ADGRB3: variants seen among roughly 807,000 people sequenced by gnomAD.
The protein encoded by ADGRB3 is brain-specific angiogenesis inhibitor 3.
Under a neutral mutation model 193.4 loss-of-function variants are expected in ADGRB3, and 37 were observed. The observed-to-expected ratio is 0.19, with a 90% confidence interval of 0.15 to 0.25. The LOEUF (loss-of-function observed/expected upper bound fraction) is 0.25. Ranked by LOEUF, ADGRB3 falls within the 10% of genes least tolerant of loss-of-function variation. The probability of loss-of-function intolerance (pLI) is 1.00; values close to 1 mark genes in which losing one functional copy is unlikely to be tolerated. For synonymous variants in ADGRB3, 690 were observed against 644.2 expected (o/e 1.07, Z -1.08); for missense variants, 1,637 against 1,852.9 (o/e 0.88, Z 2.14).
chr6:69,233,569 G>T (rs1432685869), intron 18 of ADGRB3, among the ~76,000 whole-genome samples, 153 bp downstream of exon 18: 2 of 152,184 alleles, frequency 1.3e-5, no homozygotes, highest in East Asian at 1.9e-4. Context: ...TAGCTTGGTG[G>T]AATGAATTCT....
chr6:69,066,031 G>A (rs1457548212), intron 16 of ADGRB3, among the ~76,000 whole-genome samples: 4 of 151,558 alleles, frequency 2.6e-5, no homozygotes, highest in Admixed American at 6.6e-5. Context: ...TAGGTTATAT[G>A]CAAATATATA....
intron 3 of ADGRB3, among the ~76,000 whole-genome samples, chr6:68,734,651 G>A (rs1010189209): frequency 4.6e-5 from 7 of 151,974 alleles, no homozygotes; most frequent in African/African-American, 7.2e-5. Flanking sequence ...ATGAGGAGAG[G>A]AGAATCTAAA....
chr6:69,266,833 A>G (rs1172574739), intron 20 of ADGRB3, among the ~76,000 whole-genome samples: 3 of 152,112 alleles, frequency 2.0e-5, no homozygotes, highest in Admixed American at 2.0e-4. Flanking sequence ...GTAAAGGAAG[A>G]CAAAGATTTT....
intron 3 of ADGRB3, among the ~76,000 whole-genome samples, chr6:68,809,623 A>G (rs1767472351): frequency 6.6e-6 from 1 of 152,220 alleles, no homozygotes; most frequent in African/African-American, 2.4e-5. Context: ...AAAACTTAGC[A>G]TAGGAAAAGC....
In ADGRB3 at chr6:68,750,503, A is replaced by C. The variant is rs1016216659; in HGVS notation, c.757+111071A>C. ...GCATGTTATCAAATGTAGTTCATCT[A>C]TATATTTGCACTGAAGCAAAATATT... On this transcript the variant is annotated intron_variant, in intron 3 of 31. Transcript: ENST00000370598. Among the ~76,000 whole-genome samples the C allele has an allele frequency of 4.6e-5, 7 of 152,364 alleles. No individual in the cohort carries two copies. The East Asian group carries it at 1.3e-3, about 29-fold the overall frequency.
intron 11 of ADGRB3, among the ~76,000 whole-genome samples, chr6:69,004,449 A>G (rs1411822967): frequency 6.6e-6 from 1 of 150,590 alleles, no homozygotes; most frequent in Non-Finnish European, 1.5e-5. Context: ...GTTCTAGGGT[A>G]CATGTGCACA....
At chr6:69,208,153 A>C (rs1016013501) in intron 17 of ADGRB3, among the ~76,000 whole-genome samples, 2 of 152,172 alleles carry the variant, frequency 1.3e-5, no homozygotes, top group Admixed American at 1.3e-4. Flanking sequence ...CACATTGTTC[A>C]TGGGCCCATT....
At chr6:69,301,427 A>T (rs1767946344) in intron 20 of ADGRB3, among the ~76,000 whole-genome samples, 1 of 151,862 alleles carries the variant, frequency 6.6e-6, no homozygotes, top group South Asian at 2.1e-4. Context: ...ACTAGTATCT[A>T]CTGAAAACAG....
intron 17 of ADGRB3, among the ~76,000 whole-genome samples, chr6:69,226,326 GA>G (rs1306596170): frequency 6.6e-6 from 1 of 152,140 alleles, no homozygotes; most frequent in African/African-American, 2.4e-5. Context: ...ATGAATGAAT[GA>G]TGTAGGAAAC....
chr6:69,313,947 T>A (rs1768255204), intron 20 of ADGRB3, among the ~76,000 whole-genome samples: 1 of 151,768 alleles, frequency 6.6e-6, no homozygotes, highest in African/African-American at 2.4e-5. Flanking sequence ...GCTTCCTTTT[T>A]ATGAACAACC....
chr6:68,666,147 A>G (rs1768794822), intron 3 of ADGRB3, among the ~76,000 whole-genome samples: 1 of 151,858 alleles, frequency 6.6e-6, no homozygotes, highest in African/African-American at 2.4e-5. Context: ...AAACTAGCAG[A>G]CCTGAGTCTA....
intron 8 of ADGRB3, among the ~76,000 whole-genome samples, chr6:68,964,727 T>TA (rs1342668885): frequency 1.3e-5 from 2 of 152,198 alleles, no homozygotes; most frequent in African/African-American, 4.8e-5. Flanking sequence ...AATTATGCAA[T>TA]AATAATACAG....
intron 3 of ADGRB3, among the ~76,000 whole-genome samples, chr6:68,728,398 CA>C (rs959135694): frequency 1.2e-4 from 18 of 144,270 alleles, no homozygotes; most frequent in East Asian, 4.0e-4. Flanking sequence ...CCCAGCCTAA[CA>C]AAAAAAAAAG....
At chr6:68,643,666 T>C (rs1362580821) in intron 3 of ADGRB3, among the ~76,000 whole-genome samples, 2 of 145,040 alleles carry the variant, frequency 1.4e-5, no homozygotes, top group African/African-American at 5.1e-5. Flanking sequence ...GGTCGCAGTG[T>C]CTTGCACCTG....
chr6:69,089,941 G>A (rs1031381252), intron 17 of ADGRB3, among the ~76,000 whole-genome samples: 4 of 152,172 alleles, frequency 2.6e-5, no homozygotes, highest in Admixed American at 6.5e-5. Flanking sequence ...TTGATATAGG[G>A]GAACTTGTTG....
At chr6:68,962,018 C>T (rs3798970) in intron 8 of ADGRB3, among the ~76,000 whole-genome samples, 1 of 152,034 alleles carries the variant, frequency 6.6e-6, no homozygotes, top group East Asian at 1.9e-4. Context: ...CAAATTAGGC[C>T]CTACTCAAGT....
chr6:69,118,432 G>T (rs1181533877), intron 17 of ADGRB3, among the ~76,000 whole-genome samples: 3 of 143,044 alleles, frequency 2.1e-5, no homozygotes, highest in Non-Finnish European at 4.6e-5. Flanking sequence ...AAGAGATAAA[G>T]TCTCAGGCTA....
intron 20 of ADGRB3, among the ~76,000 whole-genome samples, chr6:69,244,498 C>A (rs1766449321): frequency 6.6e-6 from 1 of 152,036 alleles, no homozygotes; most frequent in East Asian, 1.9e-4. Context: ...TATGTACATG[C>A]CTGACCTCTA....
At chr6:68,943,787 A>G (rs1487850773) in intron 5 of ADGRB3, 43 bp from the exon 6 acceptor site, 2 of 1,482,638 alleles carry the variant, frequency 1.3e-6, no homozygotes, top group South Asian at 1.5e-5. Flanking sequence ...CTTTGATTTT[A>G]CTGCTCTGCT....
Sources: gnomAD v4.1 joint callset for allele counts (sites outside exome capture counted in the v4.1 genomes callset) on GRCh38, gnomAD v4.1.1 for gene constraint, MANE v1.5 for transcripts, NCBI Gene and HGNC (gene_info 2026-07-23, HGNC 2026-07-21) for gene names.